CSNK1G1: variants seen among roughly 807,000 people sequenced by gnomAD.
CSNK1G1 encodes the protein casein kinase I isoform gamma-1.
Under a neutral mutation model 59.6 loss-of-function variants are expected in CSNK1G1, and 22 were observed. The observed-to-expected ratio is 0.37, with a 90% CI of 0.26 to 0.53. The LOEUF (loss-of-function observed/expected upper bound fraction) is 0.53, where lower values mean the gene tolerates loss of function less well. CSNK1G1 is among the 20% of genes least tolerant of loss of function. The pLI is 0.89. For missense variants in CSNK1G1, 384 were observed against 519.5 expected, an observed-to-expected ratio of 0.74 and a Z score of 2.54; for synonymous variants, 179 against 177.1, an observed-to-expected ratio of 1.01 and a Z score of -0.08.
At chr15:64,253,619 T>C (rs945156314) in intron 3 of CSNK1G1, among the ~76,000 whole-genome samples, 4 of 152,240 alleles carry the variant, frequency 2.6e-5, no homozygotes, top group Non-Finnish European at 5.9e-5. Context: ...TGTACATCCA[T>C]GTTTATAGCA....
chr15:64,286,021 C>T (rs1381391635), intron 2 of CSNK1G1, among the ~76,000 whole-genome samples: 1 of 152,210 alleles, frequency 6.6e-6, no homozygotes, highest in Non-Finnish European at 1.5e-5. Context: ...TTAAGTCACC[C>T]ATGCTTTCCA....
intron 3 of CSNK1G1, among the ~76,000 whole-genome samples, chr15:64,258,222 T>C (rs1433051941): frequency 6.6e-6 from 1 of 151,872 alleles, no homozygotes; most frequent in African/African-American, 2.4e-5. Context: ...CTACAAAAAA[T>C]ACAAAATTAG....
At chr15:64,325,953 T>C (rs1896814387) in intron 1 of CSNK1G1, among the ~76,000 whole-genome samples, 1 of 152,178 alleles carries the variant, frequency 6.6e-6, no homozygotes, top group African/African-American at 2.4e-5. Context: ...CATCACACTT[T>C]ACCTCATTAA....
chr15:64,266,890 A>T (rs1315271226), intron 2 of CSNK1G1, among the ~76,000 whole-genome samples: 1 of 152,204 alleles, frequency 6.6e-6, no homozygotes, highest in Admixed American at 6.5e-5. Flanking sequence ...TAAATGTAAG[A>T]CCCAAAACTA....
intron 1 of CSNK1G1, among the ~76,000 whole-genome samples, chr15:64,306,711 CA>C (rs938100778): frequency 1.3e-5 from 2 of 151,918 alleles, no homozygotes; most frequent in African/African-American, 2.4e-5. Context: ...TTGTAGTTGT[CA>C]AAAAATGAAA....
rs562606797 is a variant in CSNK1G1 at position 64,249,461 on chromosome 15, G to A, written c.292+2051C>T. On this transcript the variant is annotated intron_variant, in intron 4 of 11. Transcript: ENST00000303052. Reference sequence around the variant, plus strand: ...GGGTGATCTCAAGAAGCAGAAAAGAGGCCAGTAGTCACCACTGAACTGCAT... The same window carrying A: ...GGGTGATCTCAAGAAGCAGAAAAGAAGCCAGTAGTCACCACTGAACTGCAT... Among the ~76,000 whole-genome samples, 43 of 152,250 alleles carry A rather than the reference G, an allele frequency of 2.8e-4. No homozygotes were observed. The Middle Eastern group carries it at 0.024, about 84-fold the overall frequency.
chr15:64,230,956 A>G (rs2082539782), intron 4 of CSNK1G1, among the ~76,000 whole-genome samples: 1 of 152,158 alleles, frequency 6.6e-6, no homozygotes, highest in African/African-American at 2.4e-5. Context: ...CCTGGGTGAC[A>G]GAGCGAGAAT....
chr15:64,181,692 T>C (rs1718229282), intron 10 of CSNK1G1: 4 of 371,646 alleles, frequency 1.1e-5, no homozygotes, highest in East Asian at 1.1e-4. Flanking sequence ...CCTCAGTCTA[T>C]GCCTAAGCTT....
At chr15:64,194,390 T>C (rs2082011342) in intron 10 of CSNK1G1, 2 of 152,060 alleles carry the variant, frequency 1.3e-5, no homozygotes. Flanking sequence ...CTGACTACCT[T>C]GCCTATTTAG....
At chr15:64,306,278 C>T (rs1264517494) in intron 1 of CSNK1G1, among the ~76,000 whole-genome samples, 1 of 152,106 alleles carries the variant, frequency 6.6e-6, no homozygotes, top group Non-Finnish European at 1.5e-5. Flanking sequence ...ATATACAACA[C>T]TCTTAAAACT....
chr15:64,189,029 AGCAG>A (rs377193929), intron 10 of CSNK1G1, among the ~76,000 whole-genome samples: 15 of 152,194 alleles, frequency 9.9e-5, no homozygotes, highest in African/African-American at 3.6e-4. Context: ...GGGAGGCTGA[AGCAG>A]GAGAATTGCT....
At chr15:64,281,645 C>T (rs1894140982) in intron 2 of CSNK1G1, among the ~76,000 whole-genome samples, 1 of 152,050 alleles carries the variant, frequency 6.6e-6, no homozygotes, top group South Asian at 2.1e-4. Context: ...CAAGGCCAGT[C>T]TGGCCTACAT....
chr15:64,348,400 T>G (rs1411427209), intron 1 of CSNK1G1: 1 of 152,080 alleles, frequency 6.6e-6, no homozygotes, highest in Non-Finnish European at 1.5e-5. Context: ...TAGGGGAAAC[T>G]GGGGGATGGA....
At chr15:64,264,059 C>T (rs1477539584) in intron 2 of CSNK1G1, among the ~76,000 whole-genome samples, 1 of 151,974 alleles carries the variant, frequency 6.6e-6, no homozygotes, top group Admixed American at 6.6e-5. Flanking sequence ...AACAACTTGA[C>T]TTGATATATG....
intron 1 of CSNK1G1, among the ~76,000 whole-genome samples, chr15:64,301,189 T>C (rs1895316610): frequency 6.6e-6 from 1 of 152,148 alleles, no homozygotes; most frequent in Admixed American, 6.6e-5. Flanking sequence ...AATTATGTAA[T>C]CTTCAGTTAC....
chr15:64,334,975 TA>T (rs1353911505), intron 1 of CSNK1G1, among the ~76,000 whole-genome samples: 3 of 152,202 alleles, frequency 2.0e-5, no homozygotes, highest in Admixed American at 2.0e-4. Context: ...ACCACAATAT[TA>T]TTTCCATTTT....
chr15:64,280,790 A>C (rs1474285826), intron 2 of CSNK1G1, among the ~76,000 whole-genome samples: 1 of 152,268 alleles, frequency 6.6e-6, no homozygotes, highest in African/African-American at 2.4e-5. Flanking sequence ...CAAAGATAGA[A>C]GCAACCCAAA....
rs1256254939 is a variant in CSNK1G1 at position 64,341,785 on chromosome 15, T to C, written c.-225+14203A>G. 2.6e-5 allele frequency among the ~76,000 whole-genome samples: 4 copies of C among 152,168 alleles called. No homozygotes were observed. The East Asian group carries it at 7.7e-4, about 29-fold the overall frequency. ...GATGCTTAGAGAGGGAAAAGTGGTA[T>C]TACAGTAAGCTTCTTGGGCATGACT... On this transcript the variant is annotated intron_variant, in intron 1 of 11. Transcript: ENST00000303052.
intron 10 of CSNK1G1, among the ~76,000 whole-genome samples, chr15:64,183,215 C>T (rs1043152534): frequency 2.2e-4 from 34 of 152,152 alleles, no homozygotes; most frequent in Non-Finnish European, 4.4e-5. Flanking sequence ...CTAAATTCTC[C>T]TCGCTACAAA....
Sources: allele counts gnomAD v4.1 joint callset (sites outside exome capture counted in the v4.1 genomes callset), GRCh38; gene constraint gnomAD v4.1.1; transcripts MANE v1.5; gene names NCBI Gene and HGNC (gene_info 2026-07-23, HGNC 2026-07-21).